The following SLC20A2 variants were observed in gnomAD, a reference collection of about 807,000 sequenced individuals.
The protein encoded by SLC20A2 is sodium-dependent phosphate transporter 2.
A neutral mutation model predicts 61.0 loss-of-function variants in SLC20A2; 30 were observed. The ratio of observed to expected loss-of-function variants is 0.49; its 90% confidence interval spans 0.37 to 0.67. SLC20A2 has a LOEUF of 0.67. SLC20A2 is among the 30% of genes least tolerant of loss of function. SLC20A2 has a pLI of 0.00. For missense variants in SLC20A2, 626 were observed against 866.4 expected (o/e 0.72, Z 3.48); for synonymous variants, 351 against 353.3 (o/e 0.99, Z 0.07).
chr8:42,438,078 A>AAAAAC (rs1804475663), intron 7 of SLC20A2, among the ~76,000 whole-genome samples: 1 of 146,250 alleles, frequency 6.8e-6, no homozygotes, highest in African/African-American at 2.6e-5. Context: ...AAAAAAAAAA[A>AAAAAC]AAAAAAAAAA....
Position 42,437,360 on chromosome 8 carries a change from G to A in SLC20A2, c.1152C>T (p.Asn384=). The stretch of plus-strand genomic sequence containing the variant: ...TGGCTGCGGTGTAGCAGGTGTAACT[G>A]TTGTTTCGGCGCAGCAGCCGGTAGT... ...ESNYRLLRRN[N]SYTCYTAAIC... Residue 384 remains asparagine, a synonymous_variant, in exon 8 of 11, where the codon AAC becomes AAT. Transcript: ENST00000520262. This position sits in a 1 kb window ranked among gnomAD's most constrained non-coding sequence, Gnocchi z 6.4. 1 of 1,614,160 alleles carries A rather than the reference G, an allele frequency of 6.2e-7. No homozygotes were observed. Among genetic ancestry groups the A allele is most frequent in the Non-Finnish European group, 8.5e-7 (1 of 1,180,026 alleles).
chr8:42,530,256 AT>A (rs1201163705), intron 1 of SLC20A2, among the ~76,000 whole-genome samples: 16 of 152,154 alleles, frequency 1.1e-4, no homozygotes, highest in African/African-American at 3.9e-4. Context: ...ACTGTGCCAT[AT>A]TTTTTCTACA....
chr8:42,435,751 C>T lies in SLC20A2; in HGVS notation c.1523+1238G>A, dbSNP rs573955312. Among the ~76,000 whole-genome samples the T allele has an allele frequency of 1.9e-4, 29 of 152,272 alleles. No homozygotes were observed. In the South Asian group the frequency reaches 5.0e-3, roughly 26 times the overall value. On this transcript the variant is annotated intron_variant, in intron 8 of 10. Transcript: ENST00000520262. The stretch of plus-strand genomic sequence containing the variant: ...CTGCAGGCTCGGGCGGCAGCTCCAG[C>T]GGCTGCATCGTGCAGTGGGGAGAAC...
Position 42,444,672 on chromosome 8 carries a change from C to T in SLC20A2, c.704G>A (p.Cys235Tyr). 1 of 1,613,806 alleles carries T rather than the reference C, an allele frequency of 6.2e-7. No homozygotes were observed. Among genetic ancestry groups the T allele is most frequent in the Non-Finnish European group, 8.5e-7 (1 of 1,179,786 alleles). ...TGTTATTTTCCTCCGCATCCACGGA[C>T]ACACGAAGAGCCACACAAAAAAAGC... ...LFAFFVWLFV[C>Y]PWMRRKITGK... Residue 235 changes from cysteine (C) to tyrosine (Y), a missense_variant, in exon 6 of 11, where the codon TGT becomes TAT. Cys to Tyr is a radical substitution (Grantham distance 194, BLOSUM62 -2). Coordinates refer to ENST00000520262, the MANE Select transcript of SLC20A2 (RefSeq NM_001257180.2).
chr8:42,484,384 C>T (rs1808784793), intron 1 of SLC20A2, among the ~76,000 whole-genome samples: 1 of 152,208 alleles, frequency 6.6e-6, no homozygotes, highest in African/African-American at 2.4e-5. Flanking sequence ...TCTATGGAGA[C>T]TGAGAGTGAA....
At chr8:42,451,734 G>C (rs1022166448) in intron 5 of SLC20A2, among the ~76,000 whole-genome samples, 1 of 138,172 alleles carries the variant, frequency 7.2e-6, no homozygotes, top group Non-Finnish European at 1.5e-5. Flanking sequence ...TGAAAGAGGA[G>C]GAGGAAAAGA....
chr8:42,492,211 C>A (rs2131317362), intron 1 of SLC20A2, among the ~76,000 whole-genome samples: 1 of 152,266 alleles, frequency 6.6e-6, no homozygotes, highest in African/African-American at 2.4e-5. Flanking sequence ...AAAAAATTAG[C>A]TGGGTGTGGT....
intron 5 of SLC20A2, among the ~76,000 whole-genome samples, chr8:42,453,716 C>T (rs960912079): frequency 2.0e-5 from 3 of 152,084 alleles, no homozygotes; most frequent in Non-Finnish European, 4.4e-5. Flanking sequence ...TTTGACTCAT[C>T]GGAGGAACAA....
intron 5 of SLC20A2, among the ~76,000 whole-genome samples, chr8:42,456,790 T>G (rs1366187346): frequency 6.6e-6 from 1 of 151,688 alleles, no homozygotes; most frequent in Non-Finnish European, 1.5e-5. Context: ...CAGAGTTCAC[T>G]TCCAACCCAG....
In SLC20A2 at chr8:42,443,264, GAT is replaced by G. The variant is rs869057900; in HGVS notation, c.730+1380_730+1381del. 4.6e-4 allele frequency among the ~76,000 whole-genome samples: 49 copies of G among 105,456 alleles called. No individual in the cohort carries two copies. The East Asian group carries it at 9.5e-3, about 20-fold the overall frequency. The allele number at this position is 105,456 out of a possible 152,430, so 69.2% of individuals were successfully genotyped here. A position where few individuals can be genotyped will look rare whatever the true frequency, so the allele number is the denominator to read the frequency against. On this transcript the variant is annotated intron_variant, in intron 6 of 10. Transcript: ENST00000520262. ...TATAATAATACAATTATTATTATAG[GAT>G]ATATATATATATATATATATATATA...
chr8:42,445,276 A>T (rs890043251), intron 5 of SLC20A2, among the ~76,000 whole-genome samples: 6 of 151,988 alleles, frequency 3.9e-5, no homozygotes, highest in African/African-American at 1.4e-4. Flanking sequence ...TGGGCAACAG[A>T]GCGAGACTCC....
intron 1 of SLC20A2, among the ~76,000 whole-genome samples, chr8:42,519,478 C>T (rs1319966008): frequency 6.8e-6 from 1 of 148,096 alleles, no homozygotes; most frequent in African/African-American, 2.5e-5. Flanking sequence ...AACACCTGGG[C>T]GCCACTTTCG....
chr8:42,441,868 C>G (rs1426155861), intron 6 of SLC20A2, among the ~76,000 whole-genome samples: 1 of 151,410 alleles, frequency 6.6e-6, no homozygotes, highest in African/African-American at 2.4e-5. Flanking sequence ...ACATTTTTTC[C>G]CATTCTGTTC....
rs1804043152 is a variant in SLC20A2, at chr8:42,433,832, C to T, written c.1523+3157G>A. Among the ~76,000 whole-genome samples, 3 of 152,312 alleles carry T rather than the reference C, an allele frequency of 2.0e-5. No individual in the cohort carries two copies. In the South Asian group the frequency reaches 6.2e-4, roughly 32 times the overall value. On this transcript the variant is annotated intron_variant, in intron 8 of 10. Coordinates refer to ENST00000520262, the MANE Select transcript of SLC20A2 (RefSeq NM_001257180.2). The stretch of plus-strand genomic sequence containing the variant: ...TGCTTTGAACATGTGGTACAAATAT[C>T]TCTTTGAGACTCTGCTTTCAATTCT...
rs1366959205 is a variant in SLC20A2, at chr8:42,472,962, G to A, written c.-264-308C>T. Among the ~76,000 whole-genome samples, 3 of 152,140 alleles carry A rather than the reference G, an allele frequency of 2.0e-5. No individual in the cohort carries two copies. Among genetic ancestry groups the A allele is most frequent in the Non-Finnish European group, 4.4e-5 (3 of 68,034 alleles). On this transcript the variant is annotated intron_variant, in intron 1 of 10. Transcript: ENST00000520262. The surrounding 1 kb of genome is among the most constrained non-coding windows in gnomAD (Gnocchi z 4.1). ...CATATTTGGTCATTATTTTCAGAGA[G>A]GAACAAGTGCCTCAAATGAGCAAAA... is the stretch of plus-strand genomic sequence containing the variant.
At chr8:42,487,876 G>C (rs1809158103) in intron 1 of SLC20A2, among the ~76,000 whole-genome samples, 1 of 152,116 alleles carries the variant, frequency 6.6e-6, no homozygotes, top group Non-Finnish European at 1.5e-5. Flanking sequence ...CTGAAACTCT[G>C]TACCCATTAG....
rs1366061951 is a variant in SLC20A2 at position 42,444,669 on chromosome 8, G to A, written c.707C>T (p.Pro236Leu). Residue 236 changes from proline to leucine, a missense_variant, in exon 6 of 11, where the codon CCG becomes CTG. By Grantham distance (98) the Pro-to-Leu change is moderately conservative (BLOSUM62 -3). Coordinates refer to ENST00000520262, the MANE Select transcript of SLC20A2 (RefSeq NM_001257180.2). ...ACCTGTTATTTTCCTCCGCATCCAC[G>A]GACACACGAAGAGCCACACAAAAAA... ...FAFFVWLFVCPWMRRKITGKL... is the reference protein window; with the variant it reads ...FAFFVWLFVCLWMRRKITGKL... 8 of 1,613,390 alleles carry A rather than the reference G, an allele frequency of 5.0e-6. No homozygotes were observed. Among genetic ancestry groups the A allele is most frequent in the Non-Finnish European group, 6.8e-6 (8 of 1,179,642 alleles).
intron 5 of SLC20A2, 58 bp downstream of exon 5, chr8:42,459,838 G>A: frequency 9.0e-7 from 1 of 1,114,508 alleles, no homozygotes; most frequent in Admixed American, 1.8e-5. Flanking sequence ...CAAATAAACT[G>A]ATACTGTTAG....
At chr8:42,505,190 C>A (rs1810593958), upstream of SLC20A2, among the ~76,000 whole-genome samples, 1 of 151,842 alleles carries the variant, frequency 6.6e-6, no homozygotes, top group African/African-American at 2.4e-5. Flanking sequence ...TTCACTGCAA[C>A]CTCCACCTCC....
Sources: allele counts gnomAD v4.1 joint callset (sites outside exome capture counted in the v4.1 genomes callset), GRCh38; gene constraint gnomAD v4.1.1; non-coding constraint Gnocchi (gnomAD v3.1); transcripts MANE v1.5; gene names NCBI Gene and HGNC (gene_info 2026-07-23, HGNC 2026-07-21).